RNASEL: variants seen among roughly 807,000 people sequenced by gnomAD.
RNASEL encodes the protein ribonuclease L.
Under a neutral mutation model 50.9 loss-of-function variants are expected in RNASEL, and 36 were observed. The observed-to-expected ratio is 0.71, with a 90% CI of 0.54 to 0.93. The LOEUF (loss-of-function observed/expected upper bound fraction) is 0.93, where lower values mean the gene tolerates loss of function less well. RNASEL is among the 40% of genes least tolerant of loss of function. The pLI is 0.00. For synonymous variants in RNASEL, 335 were observed against 335.6 expected (o/e 1.00, Z 0.02); for missense variants, 860 against 894.5 (o/e 0.96, Z 0.49).
At position 182,581,209 on chromosome 1, in the gene RNASEL, T is replaced by C. The variant is rs1411759848; in HGVS notation, c.1905+16A>G. 2 of 1,614,178 alleles carry C rather than the reference T, an allele frequency of 1.2e-6. No individual in the cohort carries two copies. Among genetic ancestry groups the C allele is most frequent in the Non-Finnish European group, 1.7e-6 (2 of 1,180,022 alleles). On this transcript the variant is annotated intron_variant, in intron 5 of 6. Transcript: ENST00000367559. ...TATTCCTGGACTAACCCCTGCACTATAGGAATTGTTCATACCTTAGTCGTC... is the reference window on the plus strand; with the variant it reads ...TATTCCTGGACTAACCCCTGCACTACAGGAATTGTTCATACCTTAGTCGTC...
rs1661348734 is a variant in RNASEL at position 182,574,720 on chromosome 1, A to T, written c.*672T>A. ...CTGCCAAATGCTCTCTTCAGTGCAA[A>T]ATTGCCCCCCAGTTGAGAACTACTG... is the stretch of plus-strand genomic sequence containing the variant. On this transcript the variant is annotated 3_prime_UTR_variant, in exon 7 of 7. Transcript: ENST00000367559. The T allele has an allele frequency of 4.3e-6, 1 of 232,538 alleles. No individual in the cohort carries two copies. Among genetic ancestry groups the T allele is most frequent in the Non-Finnish European group, 8.5e-6 (1 of 117,896 alleles). 14.4% of individuals were successfully genotyped at this position (232,538 alleles called of 1,614,324 possible).
At chr1:182,576,048 A>G (rs1414464037) in intron 6 of RNASEL, among the ~76,000 whole-genome samples, 1 of 152,256 alleles carries the variant, frequency 6.6e-6, no homozygotes, top group Non-Finnish European at 1.5e-5. Flanking sequence ...CCAACAAAAA[A>G]ATGACAAGGA....
In RNASEL at chr1:182,586,940, G is replaced by A; in HGVS notation, c.-134C>T. 1.7e-6 allele frequency: 2 copies of A among 1,182,762 alleles called. No homozygotes were observed. The highest frequency in any genetic ancestry group is 2.5e-6 in the Non-Finnish European group (2 of 806,722). The allele number at this position is 1,182,762 out of a possible 1,614,324, so 73.3% of individuals were successfully genotyped here. ...GCAACAGAGCAGCAGTATGAAGAAG[G>A]AACAATGTTCTCAGTCTTCTGACAT... On this transcript the variant is annotated 5_prime_UTR_variant, in exon 2 of 7. Transcript: ENST00000367559.
chr1:182,582,289 T>C (rs1661512104), intron 3 of RNASEL, 31 bp from the exon 4 acceptor site: 7 of 1,611,706 alleles, frequency 4.3e-6, no homozygotes, highest in Non-Finnish European at 5.9e-6. Flanking sequence ...AAGCCAAAGA[T>C]GCTTACTAAT....
At chr1:182,577,046 T>G (rs1661397831) in intron 5 of RNASEL, 1 of 149,846 alleles carries the variant, frequency 6.7e-6, no homozygotes, top group South Asian at 2.1e-4. Context: ...CCAGCTAATT[T>G]TTTTTTTTTT....
At position 182,575,470 on chromosome 1, in the gene RNASEL, G is replaced by C; in HGVS notation, c.2148C>G (p.Phe716Leu). The change falls in exon 7 of 7, where the codon TTC (phenylalanine) becomes TTG (leucine). Residue 716 changes from phenylalanine (F) to leucine (L), a missense_variant. Transcript: ENST00000367559. The part of the protein sequence containing the change: ...KLQNTEYRKH[F>L]PQTHSPNKPQ... The stretch of plus-strand genomic sequence containing the variant: ...GCTTGTTTGGACTGTGGGTTTGGGG[G>C]AAATGCTTTCTATATTCTGTGTTCT... The C allele has an allele frequency of 6.2e-7, 1 of 1,614,208 alleles. No homozygotes were observed. Among genetic ancestry groups the C allele is most frequent in the Non-Finnish European group, 8.5e-7 (1 of 1,180,022 alleles).
Position 182,585,582 on chromosome 1 carries a change from G to T in RNASEL, c.1225C>A (p.Gln409Lys), listed in dbSNP as rs563565046. The change falls in exon 2 of 7, where the codon CAA becomes AAA. Residue 409 changes from glutamine (Q) to lysine (K), a missense_variant. By Grantham distance (53) the Gln-to-Lys change is moderately conservative. Coordinates refer to ENST00000367559, the MANE Select transcript of RNASEL (RefSeq NM_021133.4). The stretch of plus-strand genomic sequence containing the variant: ...AAGTGACTGTTCTCTCGGCTGCTTT[G>T]CAGACAAGAGACTTCCCGCTGTGCA... ...PRAQREVSCL[Q>K]SSRENSHLVT... 1.2e-6 allele frequency: 2 copies of T among 1,614,174 alleles called. No individual in the cohort carries two copies. The highest frequency in any genetic ancestry group is 2.7e-5 in the African/African-American group (2 of 75,030).
intron 5 of RNASEL, chr1:182,577,087 G>C (rs757900276): frequency 2.0e-5 from 3 of 148,240 alleles, no homozygotes; most frequent in Non-Finnish European, 4.5e-5. Context: ...GTTTCACCAT[G>C]TTGGCCAGGC....
In RNASEL at chr1:182,576,250, A is replaced by G; in HGVS notation, c.2039+6T>C. ...TATAATTTGTAGGAATGAAAACAAT[A>G]CTTACTTTTTATGCTTTTCTTCATC... On this transcript the variant is annotated splice_donor_region_variant and intron_variant, in intron 6 of 6. Transcript: ENST00000367559. 1 of 1,609,962 alleles carries G rather than the reference A, an allele frequency of 6.2e-7. No individual in the cohort carries two copies. Among genetic ancestry groups the G allele is most frequent in the Non-Finnish European group, 8.5e-7 (1 of 1,177,576 alleles).
At chr1:182,579,560 C>T in intron 5 of RNASEL, 1 of 1,143,176 alleles carries the variant, frequency 8.7e-7, no homozygotes, top group African/African-American at 1.7e-5. Context: ...TACAGTCATA[C>T]AAGCTGGAAA....
intron 5 of RNASEL, among the ~76,000 whole-genome samples, chr1:182,580,674 A>G (rs543116903): frequency 4.3e-4 from 65 of 152,374 alleles, no homozygotes; most frequent in Non-Finnish European, 4.7e-4. Flanking sequence ...CTAATTTTGT[A>G]GAGTTCCACT....
rs982971221 is a variant in RNASEL, at chr1:182,574,160, G to A, written c.*1232C>T. 4.1e-5 allele frequency: 9 copies of A among 221,542 alleles called. No individual in the cohort carries two copies. The highest frequency in any genetic ancestry group is 1.2e-4 in the Admixed American group (2 of 17,370). The allele number at this position is 221,542 out of a possible 1,614,324, so 13.7% of individuals were successfully genotyped here. A position where few individuals can be genotyped will look rare whatever the true frequency, so the allele number is the denominator to read the frequency against. ...TAAGACAGTATTATTATTCATGTACGAAGATGGTTCATTCATTATTCAATG... is the reference window on the plus strand; with the variant it reads ...TAAGACAGTATTATTATTCATGTACAAAGATGGTTCATTCATTATTCAATG... On this transcript the variant is annotated 3_prime_UTR_variant, in exon 7 of 7. Transcript: ENST00000367559.
chr1:182,584,026 C>A, intron 3 of RNASEL, 55 bp downstream of exon 3: 1 of 1,322,402 alleles, frequency 7.6e-7, no homozygotes, highest in Non-Finnish European at 1.1e-6. Context: ...CTGACTACTA[C>A]ATGAAAGAAT....
chr1:182,575,440 CTG>C lies in RNASEL; in HGVS notation c.2176_2177del (p.Gln726ValfsTer2). ...CACTGGCCCCACCAGCTCCATCACA[CTG>C]AGGCTTGTTTGGACTGTGGGTTTGG... ...FPQTHSPNKP[Q>X]CDGAGGASGL... On this transcript the variant is annotated frameshift_variant, in exon 7 of 7. Coordinates refer to ENST00000367559, the MANE Select transcript of RNASEL (RefSeq NM_021133.4). LOFTEE classifies it low-confidence loss of function (END_TRUNC). The C allele has an allele frequency of 6.2e-7, 1 of 1,614,188 alleles. No homozygotes were observed.
chr1:182,575,018 G>A lies in RNASEL; in HGVS notation c.*374C>T. 2.8e-6 allele frequency: 1 copy of A among 351,706 alleles called. No homozygotes were observed. Among genetic ancestry groups the A allele is most frequent in the South Asian group, 4.2e-5 (1 of 23,812 alleles). 21.8% of individuals were successfully genotyped at this position (351,706 alleles called of 1,614,324 possible). A position where few individuals can be genotyped will look rare whatever the true frequency, so the allele number is the denominator to read the frequency against. ...CTTGGGCCAGTAGCTCACACTCTCTGAGTCTCAGGTTCCTCAGTTCTTAAA... is the reference window on the plus strand; with the variant it reads ...CTTGGGCCAGTAGCTCACACTCTCTAAGTCTCAGGTTCCTCAGTTCTTAAA... On this transcript the variant is annotated 3_prime_UTR_variant, in exon 7 of 7. Transcript: ENST00000367559.
rs1367417635 is a variant in RNASEL at position 182,574,540 on chromosome 1, C to T, written c.*852G>A. The T allele has an allele frequency of 8.6e-6, 2 of 232,620 alleles. No homozygotes were observed. Among genetic ancestry groups the T allele is most frequent in the East Asian group, 1.2e-4 (2 of 16,464 alleles). 14.4% of individuals were successfully genotyped at this position (232,620 alleles called of 1,614,324 possible). A position where few individuals can be genotyped will look rare whatever the true frequency, so the allele number is the denominator to read the frequency against. On this transcript the variant is annotated 3_prime_UTR_variant, in exon 7 of 7. Transcript: ENST00000367559. ...ATCCCAGCCCCTTAAGTCAGGTTTTCTCAACCTCAGCACCATTGATATTTT... is the reference window on the plus strand; with the variant it reads ...ATCCCAGCCCCTTAAGTCAGGTTTTTTCAACCTCAGCACCATTGATATTTT...
chr1:182,575,684 G>T, intron 6 of RNASEL, 106 bp from the exon 7 acceptor site: 1 of 1,403,040 alleles, frequency 7.1e-7, no homozygotes, highest in Non-Finnish European at 9.8e-7. Flanking sequence ...TTCTATTGCA[G>T]AATGAATAAG....
chr1:182,586,094 C>T lies in RNASEL; in HGVS notation c.713G>A (p.Arg238Lys), dbSNP rs764686057. 6.2e-6 allele frequency: 10 copies of T among 1,614,028 alleles called. No individual in the cohort carries two copies. In the African/African-American group the frequency reaches 1.3e-4, roughly 22 times the overall value. Residue 238 changes from arginine to lysine, a missense_variant, in exon 2 of 7, where the codon AGA (arginine) becomes AAA (lysine). Coordinates refer to ENST00000367559, the MANE Select transcript of RNASEL (RefSeq NM_021133.4). ...HGADVNVRGE[R>K]GKTPLILAVE... ...TGCCAGGATCAGGGGAGTCTTCCCT[C>T]TTTCTCCCCTCACATTGACATCAGC...
chr1:182,586,707 G>C lies in RNASEL; in HGVS notation c.100C>G (p.Gln34Glu), dbSNP rs748313502. Reference sequence around the variant, plus strand: ...TGGACCAGGTCAACATCTTCGTTTTGAACAGCTTTAATCAGCAAGTGATTG... The same window carrying C: ...TGGACCAGGTCAACATCTTCGTTTTCAACAGCTTTAATCAGCAAGTGATTG... ...EDNHLLIKAV[Q>E]NEDVDLVQQL... The change falls in exon 2 of 7, where the codon CAA (glutamine) becomes GAA (glutamate). Residue 34 changes from glutamine to glutamate, a missense_variant. Transcript: ENST00000367559. 6 of 1,614,204 alleles carry C rather than the reference G, an allele frequency of 3.7e-6. No individual in the cohort carries two copies. In the East Asian group the frequency reaches 1.3e-4, roughly 36 times the overall value.
Sources: allele counts gnomAD v4.1 joint callset (sites outside exome capture counted in the v4.1 genomes callset), GRCh38; gene constraint gnomAD v4.1.1; transcripts MANE v1.5; gene names NCBI Gene and HGNC (gene_info 2026-07-23, HGNC 2026-07-21).